The following USP24 variants were observed in gnomAD, a reference collection of about 807,000 sequenced individuals.
USP24 encodes ubiquitin specific peptidase 24.
A neutral mutation model predicts 361.6 loss-of-function variants in USP24; 97 were observed. That is an observed-to-expected ratio of 0.27 (90% CI 0.23 to 0.32). USP24 has a LOEUF of 0.32. Among genes scored for constraint, USP24 ranks in the 10% least tolerant of loss-of-function variants. The probability of loss-of-function intolerance (pLI) is 1.00; values close to 1 mark genes in which losing one functional copy is unlikely to be tolerated. For synonymous variants in USP24, 1,098 were observed against 1,124.6 expected (o/e 0.98, Z 0.47); for missense variants, 2,353 against 3,165.6 (o/e 0.74, Z 6.16).
At chr1:55,152,496 T>C (rs1647235335) in intron 16 of USP24, among the ~76,000 whole-genome samples, 1 of 152,176 alleles carries the variant, frequency 6.6e-6, no homozygotes, top group Non-Finnish European at 1.5e-5. Flanking sequence ...AAAAGAAACG[T>C]GTCTGTTGCT....
At chr1:55,129,944 C>T (rs993677600) in intron 31 of USP24, among the ~76,000 whole-genome samples, 3 of 152,212 alleles carry the variant, frequency 2.0e-5, no homozygotes, top group African/African-American at 7.2e-5. Flanking sequence ...ATTAAAAATG[C>T]AAGATGAGTT....
chr1:55,166,212 T>C (rs1557659627), intron 6 of USP24, among the ~76,000 whole-genome samples: 1 of 151,686 alleles, frequency 6.6e-6, no homozygotes, highest in Non-Finnish European at 1.5e-5. Flanking sequence ...ACTGCAGTCA[T>C]CCTATTGTAC....
At chr1:55,182,336 A>C (rs1430881707) in intron 1 of USP24, among the ~76,000 whole-genome samples, 1 of 152,156 alleles carries the variant, frequency 6.6e-6, no homozygotes, top group Non-Finnish European at 1.5e-5. Context: ...TGCAGGCGTG[A>C]GCCATTGCGC....
At position 55,085,990 on chromosome 1, in the gene USP24, G is replaced by A. The variant is rs1557539098; in HGVS notation, c.6717C>T (p.Ala2239=). ...CNVREVRVAV[A]TILEKTLDSA... Reference sequence around the variant, plus strand: ...TGTCTAGGGTTTTCTCCAGAATGGTGGCCACAGCAACTCGTACTTCTCTCA... The same window carrying A: ...TGTCTAGGGTTTTCTCCAGAATGGTAGCCACAGCAACTCGTACTTCTCTCA... The change falls in exon 56 of 68, where the codon GCC becomes GCT. Residue 2239 remains alanine, a synonymous_variant. Coordinates refer to ENST00000294383, the MANE Select transcript of USP24 (RefSeq NM_015306.3). 1.2e-6 allele frequency: 2 copies of A among 1,613,910 alleles called. No homozygotes were observed.
intron 1 of USP24, among the ~76,000 whole-genome samples, chr1:55,201,797 AAACCATT>A (rs1644582954): frequency 6.6e-6 from 1 of 152,136 alleles, no homozygotes. Flanking sequence ...TTCTAACAGA[AAACCATT>A]AGCAAGAGTG....
At chr1:55,185,987 C>T (rs796602768) in intron 1 of USP24, among the ~76,000 whole-genome samples, 6 of 152,152 alleles carry the variant, frequency 3.9e-5, no homozygotes, top group African/African-American at 1.4e-4. Context: ...AAGCATAAAC[C>T]ACCAAAACTG....
intron 1 of USP24, among the ~76,000 whole-genome samples, chr1:55,184,694 G>A (rs1644077925): frequency 6.6e-6 from 1 of 152,076 alleles, no homozygotes; most frequent in African/African-American, 2.4e-5. Flanking sequence ...TGTAAAACAG[G>A]CCTCAACAAT....
rs1644370810 is a variant in USP24, at chr1:55,194,616, AAAG to A, written c.325-16487_325-16485del. Among the ~76,000 whole-genome samples, 3 of 152,194 alleles carry A rather than the reference AAAG, an allele frequency of 2.0e-5. No homozygotes were observed. The South Asian group carries it at 6.2e-4, about 32-fold the overall frequency. On this transcript the variant is annotated intron_variant, in intron 1 of 67. Transcript: ENST00000294383. The stretch of plus-strand genomic sequence containing the variant: ...GACCCTGTCTCAAAAAAAAAAGAAA[AAAG>A]AAATAGTAGCCTAGTCCACTCCTTA...
At chr1:55,083,534 A>G (rs971393087) in intron 57 of USP24, among the ~76,000 whole-genome samples, 170 bp from the exon 58 acceptor site, 2 of 152,204 alleles carry the variant, frequency 1.3e-5, no homozygotes, top group African/African-American at 2.4e-5. Flanking sequence ...TGAGCCTCAC[A>G]TTGCTTCACA....
chr1:55,162,398 G>A (rs1012192444), intron 7 of USP24, 134 bp from the exon 8 acceptor site: 6 of 568,428 alleles, frequency 1.1e-5, no homozygotes, highest in African/African-American at 9.8e-5. Flanking sequence ...GAAGACTAGA[G>A]AAACTAAACT....
At chr1:55,081,560 C>CA (rs1185736796) in intron 58 of USP24, 136 bp from the exon 59 acceptor site, 6 of 804,852 alleles carry the variant, frequency 7.5e-6, no homozygotes, top group Middle Eastern at 2.4e-4. Flanking sequence ...GGTCAAGGTA[C>CA]AAAAAAATCA....
intron 67 of USP24, among the ~76,000 whole-genome samples, chr1:55,069,409 G>A (rs546585185): frequency 1.8e-4 from 27 of 152,224 alleles, no homozygotes; most frequent in Non-Finnish European, 3.4e-4. Context: ...AGGCATTGAT[G>A]GCCATTGTGC....
intron 16 of USP24, among the ~76,000 whole-genome samples, chr1:55,149,845 TA>T (rs1647144467): frequency 1.3e-5 from 2 of 152,224 alleles, no homozygotes; most frequent in South Asian, 4.1e-4. Flanking sequence ...TTTGGATCAC[TA>T]ATTTGTTACT....
intron 3 of USP24, among the ~76,000 whole-genome samples, chr1:55,176,173 TAC>T (rs1205617125): frequency 6.6e-6 from 1 of 152,184 alleles, no homozygotes; most frequent in Non-Finnish European, 1.5e-5. Context: ...CAAAGACACA[TAC>T]AGACAATATA....
At position 55,137,795 on chromosome 1, in the gene USP24, T is replaced by C. The variant is rs778821969; in HGVS notation, c.3027+11A>G. On this transcript the variant is annotated intron_variant, in intron 27 of 67. Transcript: ENST00000294383. ...ATTTATTATTCATCAAAACTGCTTA[T>C]TTAAACCTACCAGGCTATCATTTGT... 1.3e-6 allele frequency: 2 copies of C among 1,567,760 alleles called. No individual in the cohort carries two copies. Among genetic ancestry groups the C allele is most frequent in the Non-Finnish European group, 1.7e-6 (2 of 1,155,730 alleles).
intron 30 of USP24, among the ~76,000 whole-genome samples, chr1:55,132,949 C>T (rs1646633256): frequency 6.6e-6 from 1 of 152,176 alleles, no homozygotes; most frequent in Admixed American, 6.5e-5. Flanking sequence ...GTATTCTAAG[C>T]AACACCTGAG....
chr1:55,182,541 T>G (rs1439057434), intron 1 of USP24, among the ~76,000 whole-genome samples: 2 of 152,008 alleles, frequency 1.3e-5, no homozygotes, highest in Non-Finnish European at 2.9e-5. Context: ...AAACAACATA[T>G]GAAATCGTCA....
At chr1:55,152,389 A>T (rs1310366773) in intron 16 of USP24, among the ~76,000 whole-genome samples, 1 of 152,216 alleles carries the variant, frequency 6.6e-6, no homozygotes, top group Non-Finnish European at 1.5e-5. Flanking sequence ...TTTAGCTGTA[A>T]CAAGGAAGGA....
intron 12 of USP24, 54 bp downstream of exon 12, chr1:55,156,894 C>T: frequency 7.5e-7 from 1 of 1,325,264 alleles, no homozygotes; most frequent in Non-Finnish European, 1.1e-6. Context: ...CCTTTTCGCT[C>T]TCCTGTAGTC....
Sources: allele counts gnomAD v4.1 joint callset (sites outside exome capture counted in the v4.1 genomes callset), GRCh38; gene constraint gnomAD v4.1.1; transcripts MANE v1.5; gene names NCBI Gene and HGNC (gene_info 2026-07-23, HGNC 2026-07-21).